The following ERICH1 variants were observed in gnomAD, a reference collection of about 807,000 sequenced individuals.
ERICH1 encodes the protein glutamate rich 1.
ERICH1 carries 56 observed loss-of-function variants against 39.6 expected under a neutral mutation model. That is an observed-to-expected ratio of 1.41 (90% confidence interval 1.14 to 1.77). The LOEUF is 1.77. ERICH1 is among the 40% of genes most tolerant of loss of function. The pLI, the probability that ERICH1 is intolerant of heterozygous loss-of-function variation, is 0.00. For synonymous variants in ERICH1, 313 were observed against 223.6 expected (o/e 1.40, Z -3.57); for missense variants, 826 against 575.4 (o/e 1.44, Z -4.45).
At chr8:708,028 G>A (rs914981442) in intron 2 of ERICH1, among the ~76,000 whole-genome samples, 14 of 152,044 alleles carry the variant, frequency 9.2e-5, no homozygotes, top group Admixed American at 3.3e-4. Flanking sequence ...TGGACAACAC[G>A]CAGGGAAAGA....
chr8:684,319 T>C (rs1006484404), intron 3 of ERICH1, among the ~76,000 whole-genome samples: 1 of 151,742 alleles, frequency 6.6e-6, no homozygotes, highest in African/African-American at 2.4e-5. Flanking sequence ...ACAGTACAAA[T>C]GAAGAAAAGC....
intron 5 of ERICH1, chr8:668,159 A>C (rs1343636654): frequency 3.9e-6 from 1 of 258,740 alleles, no homozygotes; most frequent in East Asian, 1.0e-4. Flanking sequence ...AGCACACAAC[A>C]GTTTGCATGA....
At chr8:655,124 T>G (rs1443470094) in intron 3 of ERICH1, among the ~76,000 whole-genome samples, 1 of 152,170 alleles carries the variant, frequency 6.6e-6, no homozygotes, top group African/African-American at 2.4e-5. Flanking sequence ...CGACGGGACC[T>G]CAGGCCAAGC....
chr8:722,465 C>T (rs1236489766), intron 1 of ERICH1, among the ~76,000 whole-genome samples: 1 of 152,162 alleles, frequency 6.6e-6, no homozygotes, highest in African/African-American at 2.4e-5. Flanking sequence ...AAAGACACAG[C>T]CAAATACCAA....
chr8:716,009 T>A lies in ERICH1; in HGVS notation c.23-2A>T. The A allele has an allele frequency of 6.3e-7, 1 of 1,589,786 alleles. No homozygotes were observed. The highest frequency in any genetic ancestry group is 8.5e-7 in the Non-Finnish European group (1 of 1,172,614). On this transcript the variant is annotated splice_acceptor_variant, in intron 1 of 5. Coordinates refer to ENST00000262109, the MANE Select transcript of ERICH1 (RefSeq NM_207332.3). LOFTEE classifies it high-confidence loss of function. ...TCTGCAGCACCTTCTCCACAAACAC[T>A]GTACAGACAACCGATTAAAAGAAAA...
chr8:693,492 C>G (rs182193225), intron 2 of ERICH1, among the ~76,000 whole-genome samples: 1 of 152,218 alleles, frequency 6.6e-6, no homozygotes, highest in Non-Finnish European at 1.5e-5. Context: ...GACCAGAGGT[C>G]GTCGCCACTG....
Position 677,749 on chromosome 8 carries a change from A to G in ERICH1, c.305-3702T>C, listed in dbSNP as rs1322034946. Among the ~76,000 whole-genome samples the G allele has an allele frequency of 3.9e-5, 6 of 152,310 alleles. No individual in the cohort carries two copies. In the East Asian group the frequency reaches 5.8e-4, roughly 15 times the overall value. On this transcript the variant is annotated intron_variant, in intron 3 of 5. Transcript: ENST00000262109. ...ATTAAAAAATGTGACTGCCTTCATGAATTTGGAGATAAGTAACACATCGAG... is the reference window on the plus strand; with the variant it reads ...ATTAAAAAATGTGACTGCCTTCATGGATTTGGAGATAAGTAACACATCGAG...
chr8:722,874 G>C (rs1181986463), intron 1 of ERICH1, among the ~76,000 whole-genome samples: 2 of 152,208 alleles, frequency 1.3e-5, no homozygotes, highest in African/African-American at 4.8e-5. Context: ...CATGCTTACA[G>C]GAATTCATTA....
chr8:643,906 G>A (rs1287971169), intron 3 of ERICH1, among the ~76,000 whole-genome samples: 6 of 152,206 alleles, frequency 3.9e-5, no homozygotes, highest in South Asian at 2.1e-4. Flanking sequence ...CGGACTCAGC[G>A]CCTGGAGAAA....
chr8:649,664 C>G (rs1474124515), intron 3 of ERICH1, among the ~76,000 whole-genome samples: 1 of 152,134 alleles, frequency 6.6e-6, no homozygotes, highest in Non-Finnish European at 1.5e-5. Context: ...AAGGTGGGCT[C>G]AGATCATGAA....
intron 3 of ERICH1, among the ~76,000 whole-genome samples, chr8:642,917 T>G (rs1799179931): frequency 6.6e-6 from 1 of 152,186 alleles, no homozygotes; most frequent in Non-Finnish European, 1.5e-5. Context: ...GCTGTGGGGC[T>G]GGACGGGAGA....
At chr8:728,141 A>C (rs1349993875) in intron 1 of ERICH1, among the ~76,000 whole-genome samples, 1 of 152,196 alleles carries the variant, frequency 6.6e-6, no homozygotes, top group Non-Finnish European at 1.5e-5. Context: ...AATGTCCCTG[A>C]AGCACACATG....
intron 2 of ERICH1, among the ~76,000 whole-genome samples, chr8:700,382 C>T (rs1157555599): frequency 4.7e-5 from 4 of 85,524 alleles, no homozygotes; most frequent in African/African-American, 1.5e-4. Context: ...GGCGCACAGG[C>T]CCGCACACGC....
chr8:695,775 C>G (rs960688843), intron 2 of ERICH1, among the ~76,000 whole-genome samples: 1 of 109,818 alleles, frequency 9.1e-6, no homozygotes, highest in African/African-American at 3.2e-5. Context: ...CCACTCCTCT[C>G]CTTCCTCCCC....
At chr8:694,202 C>G (rs756784187) in intron 2 of ERICH1, among the ~76,000 whole-genome samples, 3 of 152,138 alleles carry the variant, frequency 2.0e-5, no homozygotes, top group Admixed American at 1.3e-4. Flanking sequence ...TTTGCTCTCT[C>G]GAGGGTAGGG....
chr8:656,226 C>G (rs558385177), intron 3 of ERICH1, among the ~76,000 whole-genome samples: 3 of 152,164 alleles, frequency 2.0e-5, no homozygotes, highest in South Asian at 2.1e-4. Context: ...TTTTCCCCTA[C>G]AAGCCTCCCG....
intron 1 of ERICH1, among the ~76,000 whole-genome samples, chr8:724,875 C>T (rs1446343550): frequency 6.6e-6 from 1 of 152,206 alleles, no homozygotes; most frequent in Non-Finnish European, 1.5e-5. Flanking sequence ...GCAGCTGTAC[C>T]TCCTGCACCC....
chr8:642,235 T>C (rs1799076089), intron 3 of ERICH1, among the ~76,000 whole-genome samples: 1 of 151,990 alleles, frequency 6.6e-6, no homozygotes, highest in Non-Finnish European at 1.5e-5. Flanking sequence ...GGCCCACAGG[T>C]CGGGAATGCA....
In ERICH1 at chr8:640,180, G is replaced by A. The variant is rs1375780556; in HGVS notation, c.977-24896C>T. 1.3e-5 allele frequency among the ~76,000 whole-genome samples: 2 copies of A among 152,176 alleles called. 1 individual carries two copies. The highest frequency in any genetic ancestry group is 1.3e-4 in the Admixed American group (2 of 15,276). ...TAACCGAGAAACTGAGTGGAATGCC[G>A]CCTAATCAAAGGACCCCTATGGAGA... On this transcript the variant is annotated intron_variant, in intron 3 of 3. Coordinates refer to the ERICH1 transcript ENST00000522706.
Sources: gnomAD v4.1 joint callset for allele counts (sites outside exome capture counted in the v4.1 genomes callset) on GRCh38, gnomAD v4.1.1 for gene constraint, MANE v1.5 for transcripts, NCBI Gene and HGNC (gene_info 2026-07-23, HGNC 2026-07-21) for gene names.